Variants in GMPR observed in about 807,000 individuals in gnomAD.
The protein encoded by GMPR is guanosine monophosphate reductase.
GMPR carries 31 observed loss-of-function variants against 38.4 expected under a neutral mutation model. The observed-to-expected ratio is 0.81, with a 90% CI of 0.61 to 1.09. The LOEUF (loss-of-function observed/expected upper bound fraction) is 1.09. GMPR is among the 50% of genes least tolerant of loss of function. GMPR has a pLI of 0.00. For missense variants in GMPR, 468 were observed against 453.7 expected (o/e 1.03, Z -0.29); for synonymous variants, 162 against 173.3 (o/e 0.93, Z 0.51).
chr6:16,265,679 G>A (rs878927152), intron 4 of GMPR, among the ~76,000 whole-genome samples: 1 of 146,144 alleles, frequency 6.8e-6, no homozygotes. Context: ...CTAGCTAAAC[G>A]CACCAATCAG....
chr6:16,293,036 CTCTT>C (rs1369629195), intron 8 of GMPR, among the ~76,000 whole-genome samples: 4 of 152,166 alleles, frequency 2.6e-5, no homozygotes, highest in South Asian at 4.2e-4. Context: ...CTCTCTCTCT[CTCTT>C]AGTTTTCAGC....
At chr6:16,287,977 G>C (rs781216955) in intron 7 of GMPR, among the ~76,000 whole-genome samples, 9 of 152,164 alleles carry the variant, frequency 5.9e-5, no homozygotes, top group Non-Finnish European at 1.3e-4. Context: ...GATTTGCCAG[G>C]CTCCCCTCCT....
intron 1 of GMPR, among the ~76,000 whole-genome samples, chr6:16,242,006 C>T (rs575653434): frequency 3.3e-5 from 5 of 151,832 alleles, no homozygotes; most frequent in East Asian, 1.9e-4. Flanking sequence ...CCCAAAGTGC[C>T]GGGATTACAG....
chr6:16,241,892 C>G (rs1257076396), intron 1 of GMPR, among the ~76,000 whole-genome samples: 1 of 152,010 alleles, frequency 6.6e-6, no homozygotes, highest in African/African-American at 2.4e-5. Flanking sequence ...CAGGCACCTA[C>G]CACGCTCTGC....
chr6:16,254,490 C>G, intron 3 of GMPR, 72 bp from the exon 4 acceptor site: 2 of 1,296,182 alleles, frequency 1.5e-6, no homozygotes, highest in South Asian at 2.5e-5. Context: ...AGAATAGGTG[C>G]ATAAATGGGG....
intron 4 of GMPR, among the ~76,000 whole-genome samples, chr6:16,267,821 A>G (rs557347777): frequency 6.6e-5 from 10 of 152,290 alleles, no homozygotes; most frequent in African/African-American, 2.4e-4. Context: ...ATAGAGGCCA[A>G]GCTCTACTCC....
intron 7 of GMPR, among the ~76,000 whole-genome samples, chr6:16,288,729 G>C (rs1249449422): frequency 6.6e-6 from 1 of 152,242 alleles, no homozygotes; most frequent in Non-Finnish European, 1.5e-5. Flanking sequence ...TCAGTCTGGT[G>C]GGGACGTGGA....
At chr6:16,279,425 C>T (rs914354400) in intron 6 of GMPR, among the ~76,000 whole-genome samples, 1 of 152,196 alleles carries the variant, frequency 6.6e-6, no homozygotes, top group African/African-American at 2.4e-5. Context: ...CAGGGGCCAC[C>T]CTCCTCCAGG....
At chr6:16,292,897 T>G (rs1173516468) in intron 8 of GMPR, among the ~76,000 whole-genome samples, 1 of 152,226 alleles carries the variant, frequency 6.6e-6, no homozygotes, top group Non-Finnish European at 1.5e-5. Context: ...GTAGCAAGAC[T>G]CAGTTCTGAA....
At position 16,258,500 on chromosome 6, in the gene GMPR, A is replaced by G. The variant is rs534234386; in HGVS notation, c.465+3765A>G. 9.2e-5 allele frequency among the ~76,000 whole-genome samples: 14 copies of G among 152,288 alleles called. No homozygotes were observed. In the South Asian group the frequency reaches 2.1e-3, roughly 23 times the overall value. On this transcript the variant is annotated intron_variant, in intron 4 of 8. Transcript: ENST00000259727. Reference sequence around the variant, plus strand: ...AGTTGCTATGGGGGAGTTTACTGGGAGGGAGGAGATCGGTTCAGAGTTCCC... The same window carrying G: ...AGTTGCTATGGGGGAGTTTACTGGGGGGGAGGAGATCGGTTCAGAGTTCCC...
chr6:16,285,491 C>T (rs563313193), intron 6 of GMPR, among the ~76,000 whole-genome samples: 9 of 152,344 alleles, frequency 5.9e-5, no homozygotes, highest in Non-Finnish European at 1.2e-4. Flanking sequence ...CCGCTCACAG[C>T]CCCTGCTGCC....
chr6:16,267,762 A>G (rs1257719968), intron 4 of GMPR, among the ~76,000 whole-genome samples: 2 of 151,928 alleles, frequency 1.3e-5, no homozygotes, highest in Admixed American at 1.3e-4. Flanking sequence ...GCTCTTTCTG[A>G]TCTGGTCTGG....
chr6:16,292,830 A>G (rs1244373260), intron 8 of GMPR, among the ~76,000 whole-genome samples: 3 of 152,242 alleles, frequency 2.0e-5, no homozygotes, highest in East Asian at 1.9e-4. Context: ...TGAAAGAAAA[A>G]ACGTCTTCTG....
intron 8 of GMPR, among the ~76,000 whole-genome samples, chr6:16,293,218 A>G (rs1040846716): frequency 6.6e-6 from 1 of 152,246 alleles, no homozygotes; most frequent in Non-Finnish European, 1.5e-5. Context: ...AGCATCAGCA[A>G]AAAAGGAATT....
intron 6 of GMPR, among the ~76,000 whole-genome samples, chr6:16,281,131 C>T (rs190946655): frequency 1.3e-5 from 2 of 152,192 alleles, no homozygotes; most frequent in Non-Finnish European, 2.9e-5. Flanking sequence ...CCCAGACCAG[C>T]AGCAGCAGTA....
intron 3 of GMPR, among the ~76,000 whole-genome samples, chr6:16,252,441 A>G (rs2113673389): frequency 6.6e-6 from 1 of 152,196 alleles, no homozygotes; most frequent in South Asian, 2.1e-4. Flanking sequence ...TTGTATTTTT[A>G]GTAGAGACAA....
intron 4 of GMPR, among the ~76,000 whole-genome samples, chr6:16,268,929 TTTAAA>T (rs1329590829): frequency 6.6e-6 from 1 of 150,894 alleles, no homozygotes; most frequent in Non-Finnish European, 1.5e-5. Context: ...TTTAAATAAA[TTTAAA>T]TTTTTTATTT....
At chr6:16,279,915 C>T (rs1387950219) in intron 6 of GMPR, among the ~76,000 whole-genome samples, 4 of 152,184 alleles carry the variant, frequency 2.6e-5, no homozygotes, top group South Asian at 4.1e-4. Context: ...CCAGCTGGGA[C>T]GCGTTAGTAA....
chr6:16,253,757 CTT>C (rs1758918506), intron 3 of GMPR, among the ~76,000 whole-genome samples: 1 of 152,216 alleles, frequency 6.6e-6, no homozygotes, highest in South Asian at 2.1e-4. Context: ...CATCCCCTCT[CTT>C]GCTCCCCAAG....
Sources: gnomAD v4.1 joint callset for allele counts (sites outside exome capture counted in the v4.1 genomes callset) on GRCh38, gnomAD v4.1.1 for gene constraint, MANE v1.5 for transcripts, NCBI Gene and HGNC (gene_info 2026-07-23, HGNC 2026-07-21) for gene names.